Variants in LRP1B observed in about 807,000 individuals in gnomAD.
The protein encoded by LRP1B is low-density lipoprotein receptor-related protein 1B.
In LRP1B, 217 loss-of-function variants were observed where a neutral mutation model predicts 556.6. That is an observed-to-expected ratio of 0.39 (90% CI 0.35 to 0.44). The LOEUF (loss-of-function observed/expected upper bound fraction) is 0.44. LRP1B is among the 20% of genes least tolerant of loss of function. The pLI, the probability that LRP1B is intolerant of heterozygous loss-of-function variation, is 1.00. For synonymous variants in LRP1B, 2,047 were observed against 1,865.8 expected, an observed-to-expected ratio of 1.10 and a Z score of -2.50; for missense variants, 5,053 against 5,620.8, an observed-to-expected ratio of 0.90 and a Z score of 3.23.
intron 3 of LRP1B, among the ~76,000 whole-genome samples, chr2:141,399,061 G>T (rs1390352957): frequency 6.6e-6 from 1 of 152,082 alleles, no homozygotes; most frequent in Non-Finnish European, 1.5e-5. Context: ...TTTGAGACCA[G>T]TCTGTCCAAC....
At chr2:140,503,890 G>A (rs111685289) in intron 53 of LRP1B, among the ~76,000 whole-genome samples, 2,723 of 151,834 alleles carry the variant, frequency 0.018, 82 homozygotes, top group African/African-American at 0.062. Flanking sequence ...CAATTCCAAC[G>A]GAAAATATAC....
intron 2 of LRP1B, among the ~76,000 whole-genome samples, chr2:141,564,580 T>C (rs948582595): frequency 5.3e-5 from 8 of 152,134 alleles, no homozygotes; most frequent in African/African-American, 1.9e-4. Flanking sequence ...GTCATTTTAT[T>C]CATGTAAATT....
intron 35 of LRP1B, among the ~76,000 whole-genome samples, chr2:140,736,404 G>T (rs2105511468): frequency 6.6e-6 from 1 of 152,166 alleles, no homozygotes; most frequent in African/African-American, 2.4e-5. Flanking sequence ...AACCAAAAAA[G>T]AGCCCGCATT....
Position 140,840,966 on chromosome 2 carries a change from A to G in LRP1B, c.5066T>C (p.Ile1689Thr), listed in dbSNP as rs540112019. 6.2e-7 allele frequency: 1 copy of G among 1,613,328 alleles called. No homozygotes were observed. Among genetic ancestry groups the G allele is most frequent in the Non-Finnish European group, 8.5e-7 (1 of 1,179,586 alleles). ...RLDGSLKTSI[I>T]HGIDKPQCLA... ...ACACTGTGGCTTATCGATTCCATGG[A>G]TAATTGAGGTTTTCAAAGAGCCATC... The change falls in exon 30 of 91, where the codon ATC becomes ACC. Residue 1689 changes from isoleucine to threonine, a missense_variant. Physicochemically the swap from Ile to Thr is moderately conservative, Grantham distance 89. Around this residue, in one of 5 missense-constraint regions of LRP1B, gnomAD observed 3,619 missense variants for 3,931.9 expected, o/e 0.92. Coordinates refer to ENST00000389484, the MANE Select transcript of LRP1B (RefSeq NM_018557.3).
chr2:141,813,566 G>T (rs1001744037), intron 1 of LRP1B, among the ~76,000 whole-genome samples: 4 of 144,460 alleles, frequency 2.8e-5, no homozygotes, highest in Non-Finnish European at 4.6e-5. Context: ...TCAGATAAAG[G>T]TTTTTTTTTT....
chr2:140,896,124 A>G (rs1408649849), intron 23 of LRP1B, among the ~76,000 whole-genome samples: 2 of 152,110 alleles, frequency 1.3e-5, no homozygotes, highest in Admixed American at 1.3e-4. Context: ...ATCATATTTT[A>G]GGTGGTCCTA....
Position 140,730,393 on chromosome 2 carries a change from A to G in LRP1B, c.5759-13577T>C, listed in dbSNP as rs190160620. Among the ~76,000 whole-genome samples the G allele has an allele frequency of 2.4e-3, 359 of 152,306 alleles. 2 individuals are homozygous for G. Among genetic ancestry groups the G allele is most frequent in the Non-Finnish European group, 2.1e-3 (146 of 68,016 alleles). On this transcript the variant is annotated intron_variant, in intron 35 of 90. Transcript: ENST00000389484. ...CTTAGATAGCATCCAAACTTTTTTG[A>G]TGACTAAAACACTTTGATCACTTAC...
rs184806273 is a variant in LRP1B, at chr2:140,684,681, T to A, written c.6799+15569A>T. ...AAAAGGGATGAGGCAAAAGAAACAT[T>A]AAAATGTGCTTTATTACATGATATA... is the stretch of plus-strand genomic sequence containing the variant. On this transcript the variant is annotated intron_variant, in intron 41 of 90. Transcript: ENST00000389484. 1.5e-4 allele frequency among the ~76,000 whole-genome samples: 23 copies of A among 152,342 alleles called. 1 individual carries two copies. The East Asian group carries it at 4.2e-3, about 28-fold the overall frequency.
chr2:141,762,010 T>C (rs933720739), intron 2 of LRP1B, among the ~76,000 whole-genome samples: 1 of 152,150 alleles, frequency 6.6e-6, no homozygotes, highest in African/African-American at 2.4e-5. Context: ...GAAAAGAAGA[T>C]TTTCACAGCA....
chr2:142,114,004 G>T (rs1452303983), intron 1 of LRP1B, among the ~76,000 whole-genome samples: 1 of 151,942 alleles, frequency 6.6e-6, no homozygotes. Flanking sequence ...ACCACCAATT[G>T]GTCATGACTG....
chr2:141,463,062 G>A (rs3884569), intron 3 of LRP1B, among the ~76,000 whole-genome samples: 4,232 of 152,252 alleles, frequency 0.028, 101 homozygotes, highest in Non-Finnish European at 0.037. Flanking sequence ...AAGACAGTTG[G>A]ATGACCCTTT....
At chr2:141,168,647 ATATTTT>A (rs1407324642) in intron 7 of LRP1B, among the ~76,000 whole-genome samples, 2 of 152,072 alleles carry the variant, frequency 1.3e-5, no homozygotes, top group Non-Finnish European at 2.9e-5. Context: ...TTACATTTGT[ATATTTT>A]TATTTTAATT....
intron 21 of LRP1B, among the ~76,000 whole-genome samples, chr2:140,916,928 A>G (rs1391063764): frequency 6.6e-6 from 1 of 152,220 alleles, no homozygotes; most frequent in Non-Finnish European, 1.5e-5. Context: ...GTAATCACAG[A>G]GAAGTGTACA....
chr2:140,483,640 A>ATATATATATATATT (rs1491228405), intron 59 of LRP1B, among the ~76,000 whole-genome samples: 5 of 70,734 alleles, frequency 7.1e-5, no homozygotes, highest in South Asian at 5.2e-4. Context: ...ATATATATAT[A>ATATATATATATATT]TTTTTTTTTT....
chr2:140,832,357 T>C (rs890126269), intron 31 of LRP1B, among the ~76,000 whole-genome samples: 5 of 152,092 alleles, frequency 3.3e-5, no homozygotes, highest in Non-Finnish European at 5.9e-5. Context: ...ATGAAGATTC[T>C]CCAAAAGACT....
At chr2:140,592,641 G>A (rs1037496222) in intron 43 of LRP1B, among the ~76,000 whole-genome samples, 26 of 151,976 alleles carry the variant, frequency 1.7e-4, no homozygotes, top group Admixed American at 1.1e-3. Flanking sequence ...AGAAGACAGC[G>A]TAGATATATA....
intron 41 of LRP1B, among the ~76,000 whole-genome samples, chr2:140,657,068 A>ATTT (rs764960290): frequency 6.6e-6 from 1 of 152,044 alleles, no homozygotes; most frequent in Non-Finnish European, 1.5e-5. Context: ...CCTCAAAATG[A>ATTT]TTTTATCCTG....
At chr2:141,918,280 C>T (rs1481249514) in intron 1 of LRP1B, among the ~76,000 whole-genome samples, 1 of 151,798 alleles carries the variant, frequency 6.6e-6, no homozygotes, top group African/African-American at 2.4e-5. Flanking sequence ...TTACAATGAA[C>T]ATGTGCTACC....
chr2:140,247,708 A>G (rs1232750489), intron 86 of LRP1B, among the ~76,000 whole-genome samples: 1 of 151,686 alleles, frequency 6.6e-6, no homozygotes. Flanking sequence ...CTATGAAGTC[A>G]AGAGAATGTG....
Sources: gnomAD v4.1 joint callset for allele counts (sites outside exome capture counted in the v4.1 genomes callset) on GRCh38, gnomAD v4.1.1 for gene constraint, gnomAD v4.1.1 regional missense constraint, MANE v1.5 for transcripts, NCBI Gene and HGNC (gene_info 2026-07-23, HGNC 2026-07-21) for gene names.